MOB3A: variants seen among roughly 807,000 people sequenced by gnomAD.
MOB3A encodes the protein MOB LAK.
In MOB3A, 17 loss-of-function variants were observed where a neutral mutation model predicts 17.8. That is an observed-to-expected ratio of 0.95 (90% CI 0.65 to 1.43). MOB3A has a LOEUF of 1.43. Among genes scored for constraint, MOB3A ranks in the 40% most tolerant of loss-of-function variants. The pLI is 0.00. For missense variants in MOB3A, 333 were observed against 310.8 expected, an observed-to-expected ratio of 1.07 and a Z score of -0.54; for synonymous variants, 124 against 133.2, an observed-to-expected ratio of 0.93 and a Z score of 0.48.
At chr19:2,096,470 G>A (rs1426751431), upstream of MOB3A, 1 of 159,046 alleles carries the variant, frequency 6.3e-6, no homozygotes, top group Non-Finnish European at 1.4e-5. Flanking sequence ...CCCGGGCGGC[G>A]AAGGCGCACG....
chr19:2,084,310 T>C, intron 2 of MOB3A: 1 of 365,602 alleles, frequency 2.7e-6, no homozygotes, highest in Non-Finnish European at 5.5e-6. Flanking sequence ...CTGGCCAACA[T>C]GGTGAAACCC....
Position 2,078,443 on chromosome 19 carries a change from T to G in MOB3A, c.118A>C (p.Asn40His), listed in dbSNP as rs943005930. The G allele has an allele frequency of 1.2e-6, 2 of 1,613,624 alleles. No individual in the cohort carries two copies. Among genetic ancestry groups the G allele is most frequent in the African/African-American group, 2.7e-5 (2 of 74,944 alleles). The change falls in exon 3 of 5, where the codon AAC becomes CAC. Residue 40 changes from asparagine (N) to histidine (H), a missense_variant. By Grantham distance (68) the Asn-to-His change is moderately conservative (BLOSUM62 1). Transcript: ENST00000357066. Reference protein sequence around the residue: ...ELHKKAQASLNAGLDLRLAVQ... With the variant: ...ELHKKAQASLHAGLDLRLAVQ... The stretch of plus-strand genomic sequence containing the variant: ...GCCAGCCGCAGGTCCAGCCCGGCGT[T>G]CAGCGACGCCTGCGCCTTCTTGTGC...
intron 2 of MOB3A, among the ~76,000 whole-genome samples, chr19:2,081,156 C>G (rs1288386783): frequency 6.6e-6 from 1 of 151,992 alleles, no homozygotes; most frequent in Admixed American, 6.6e-5. Flanking sequence ...GAGCTGGATC[C>G]TTCTGGAGGC....
At chr19:2,089,718 T>A (rs1289353704) in intron 1 of MOB3A, among the ~76,000 whole-genome samples, 2 of 152,166 alleles carry the variant, frequency 1.3e-5, no homozygotes, top group Admixed American at 6.5e-5. Flanking sequence ...TTACACCGTC[T>A]GCCATATTGG....
chr19:2,073,945 C>T (rs556889575), intron 4 of MOB3A, among the ~76,000 whole-genome samples: 25 of 152,036 alleles, frequency 1.6e-4, no homozygotes, highest in Non-Finnish European at 3.1e-4. Flanking sequence ...GGAGGAGAAT[C>T]GCTTGAACCT....
chr19:2,077,918 C>A (rs771550788), intron 3 of MOB3A, among the ~76,000 whole-genome samples: 2 of 151,926 alleles, frequency 1.3e-5, no homozygotes, highest in Non-Finnish European at 2.9e-5. Context: ...CGAGTAGCTG[C>A]GACCAAAGGC....
chr19:2,088,907 C>T (rs1028082126), intron 1 of MOB3A, among the ~76,000 whole-genome samples: 17 of 152,182 alleles, frequency 1.1e-4, no homozygotes, highest in African/African-American at 4.1e-4. Flanking sequence ...CTGGCTCTGT[C>T]TCCCTCTTTA....
At chr19:2,083,154 C>A (rs1025386121) in intron 2 of MOB3A, among the ~76,000 whole-genome samples, 4 of 152,128 alleles carry the variant, frequency 2.6e-5, no homozygotes, top group African/African-American at 9.7e-5. Context: ...GCCACCCCTG[C>A]CTGCTTCCCA....
chr19:2,074,837 C>A (rs1298900813), intron 4 of MOB3A, among the ~76,000 whole-genome samples: 1 of 152,072 alleles, frequency 6.6e-6, no homozygotes, highest in African/African-American at 2.4e-5. Flanking sequence ...TCTGCCTCAG[C>A]CTCCCGAGTA....
Position 2,080,917 on chromosome 19 carries a change from G to T in MOB3A, c.-119-2238C>A, listed in dbSNP as rs531090408. Among the ~76,000 whole-genome samples, 8 of 152,306 alleles carry T rather than the reference G, an allele frequency of 5.3e-5. No homozygotes were observed. The East Asian group carries it at 1.4e-3, about 26-fold the overall frequency. ...GTACTTTGAGAGGGTGAGGTAGGTA[G>T]ATGGCTTGCGTCCAGGAGTTTGAGG... is the stretch of plus-strand genomic sequence containing the variant. On this transcript the variant is annotated intron_variant, in intron 2 of 4. Coordinates refer to ENST00000357066, the MANE Select transcript of MOB3A (RefSeq NM_130807.3).
chr19:2,083,901 G>A (rs1213404085), intron 2 of MOB3A, among the ~76,000 whole-genome samples: 1 of 152,106 alleles, frequency 6.6e-6, no homozygotes, highest in Admixed American at 6.5e-5. Context: ...CTGAGCCTCA[G>A]GGAGAAAGCG....
chr19:2,078,334 TAGATGAGGTTGACGCGGTTAA>T lies in MOB3A; in HGVS notation c.206_226del (p.Phe69_Ile75del), dbSNP rs769546937. 5.2e-4 allele frequency: 846 copies of T among 1,614,066 alleles called. 1 individual carries two copies. The highest frequency in any genetic ancestry group is 4.3e-4 in the Non-Finnish European group (510 of 1,179,956). ...CGTGCAGCCGTCGCTGATGGTGCCG[TAGATGAGGTTGACGCGGTTAA>T]AGAAGTCCACCACGTGAACAGCCAC... On this transcript the variant is annotated inframe_deletion, in exon 3 of 5. Coordinates refer to ENST00000357066, the MANE Select transcript of MOB3A (RefSeq NM_130807.3).
rs1568252501 is a variant in MOB3A at position 2,078,402 on chromosome 19, CGGG to C, written c.156_158del (p.Pro53del). 1 of 1,614,064 alleles carries C rather than the reference CGGG, an allele frequency of 6.2e-7. No homozygotes were observed. Among genetic ancestry groups the C allele is most frequent in the South Asian group, 1.1e-5 (1 of 91,078 alleles). On this transcript the variant is annotated inframe_deletion, in exon 3 of 5. Transcript: ENST00000357066. ...CCACCCAGTCGTTCAGGTCCTCGCC[CGGG>C]GGCAACTGCACGGCCAGCCGCAGGT...
chr19:2,080,357 C>T (rs1019406889), intron 2 of MOB3A, among the ~76,000 whole-genome samples: 4 of 152,010 alleles, frequency 2.6e-5, no homozygotes, highest in East Asian at 1.9e-4. Context: ...ACATTCATCA[C>T]GTTCTAGTAC....
chr19:2,086,559 T>C (rs550772549), intron 1 of MOB3A, among the ~76,000 whole-genome samples: 1 of 151,520 alleles, frequency 6.6e-6, no homozygotes, highest in African/African-American at 2.4e-5. Flanking sequence ...TGTTCCACCA[T>C]GTTGGCCAGG....
chr19:2,076,123 CAAA>C (rs771808104), intron 4 of MOB3A, among the ~76,000 whole-genome samples: 1 of 34,372 alleles, frequency 2.9e-5, no homozygotes, highest in South Asian at 1.1e-3. Context: ...ACTCCATCTC[CAAA>C]AAAAAAAAAA....
At chr19:2,096,458 G>T (rs2017699236), upstream of MOB3A, 1 of 158,706 alleles carries the variant, frequency 6.3e-6, no homozygotes, top group Admixed American at 6.5e-5. Context: ...GGCTTTAAGG[G>T]GCCCGGGCGG....
intron 2 of MOB3A, 57 bp from the exon 3 acceptor site, chr19:2,078,736 C>T (rs371008996): frequency 1.3e-5 from 8 of 605,768 alleles, no homozygotes; most frequent in African/African-American, 5.6e-5. Context: ...CCCGGAAACT[C>T]GTGCTGAGGG....
Position 2,082,303 on chromosome 19 carries a change from G to C in MOB3A, c.-120+2872C>G, listed in dbSNP as rs1419841751. ...GTTCTCTGGGGTGGGGCCGTCAGGG[G>C]CACTGCAAGGTGCTGAGCGGCATCC... On this transcript the variant is annotated intron_variant, in intron 2 of 4. Transcript: ENST00000357066. This position sits in a 1 kb window ranked among gnomAD's most constrained non-coding sequence, Gnocchi z 4.1. Among the ~76,000 whole-genome samples the C allele has an allele frequency of 6.6e-6, 1 of 152,356 alleles. No individual in the cohort carries two copies. The highest frequency in any genetic ancestry group is 1.9e-4 in the East Asian group (1 of 5,188).
Sources: gnomAD v4.1 joint callset for allele counts (sites outside exome capture counted in the v4.1 genomes callset) on GRCh38, gnomAD v4.1.1 for gene constraint, Gnocchi (gnomAD v3.1) non-coding constraint, MANE v1.5 for transcripts, NCBI Gene and HGNC (gene_info 2026-07-23, HGNC 2026-07-21) for gene names.